Variants in NFX1 observed in about 807,000 individuals in gnomAD.
NFX1 encodes transcriptional repressor NF-X1.
NFX1 carries 69 observed loss-of-function variants against 137.2 expected under a neutral mutation model. That is an observed-to-expected ratio of 0.50 (90% CI 0.41 to 0.61). The LOEUF is 0.61. Among genes scored for constraint, NFX1 ranks in the 20% least tolerant of loss-of-function variants. The pLI is 0.00. For synonymous variants in NFX1, 495 were observed against 474.1 expected (o/e 1.04, Z -0.57); for missense variants, 1,167 against 1,391.0 (o/e 0.84, Z 2.56).
chr9:33,348,759 A>T (rs1006276308), intron 15 of NFX1: 1 of 984,954 alleles, frequency 1.0e-6, no homozygotes, highest in African/African-American at 1.7e-5. Flanking sequence ...AGAAGATTTA[A>T]TTCTGCTACT....
At position 33,357,280 on chromosome 9, in the gene NFX1, C is replaced by G. The variant is rs191791284; in HGVS notation, c.2873+2388C>G. On this transcript the variant is annotated intron_variant, in intron 19 of 23. Transcript: ENST00000379540. ...TGGTGCCACTGCACTCTAGCCTGGG[C>G]GACAGTGGGAGACTCCGCATCAAAA... Among the ~76,000 whole-genome samples, 34 of 151,850 alleles carry G rather than the reference C, an allele frequency of 2.2e-4. 1 individual carries two copies. The East Asian group carries it at 6.4e-3, about 28-fold the overall frequency.
At chr9:33,333,241 G>C (rs1312060018) in intron 11 of NFX1, among the ~76,000 whole-genome samples, 1 of 152,148 alleles carries the variant, frequency 6.6e-6, no homozygotes, top group Non-Finnish European at 1.5e-5. Context: ...CAAAATAAAA[G>C]GTCTTACTGT....
At chr9:33,348,047 G>A (rs1304534649) in intron 15 of NFX1, 1 of 152,582 alleles carries the variant, frequency 6.6e-6, no homozygotes, top group Non-Finnish European at 1.5e-5. Flanking sequence ...AGGCGGGTGA[G>A]GGATAAAAAA....
rs770879767 is a variant in NFX1 at position 33,369,952 on chromosome 9, A to G, written c.3337A>G (p.Ile1113Val). 1.2e-6 allele frequency: 2 copies of G among 1,613,544 alleles called. No homozygotes were observed. The highest frequency in any genetic ancestry group is 2.2e-5 in the East Asian group (1 of 44,870). ...NLQKITKEPIIDYFDVQD is the reference protein window; with the variant it reads ...NLQKITKEPIVDYFDVQD The stretch of plus-strand genomic sequence containing the variant: ...ACAGAAAATAACCAAGGAGCCAATA[A>G]TTGACTATTTTGACGTCCAGGACTA... Residue 1113 changes from isoleucine (I) to valine (V), a missense_variant, in exon 24 of 24, where the codon ATT becomes GTT. Around this residue, in one of 3 missense-constraint regions of NFX1, gnomAD observed 312 missense variants for 312.8 expected, o/e 1.00. Coordinates refer to ENST00000379540, the MANE Select transcript of NFX1 (RefSeq NM_002504.6).
At chr9:33,336,595 TGTTAG>T (rs1823014002) in intron 11 of NFX1, among the ~76,000 whole-genome samples, 1 of 152,078 alleles carries the variant, frequency 6.6e-6, no homozygotes. Flanking sequence ...GATATCTCAA[TGTTAG>T]GTTTTAAAAT....
intron 12 of NFX1, 62 bp downstream of exon 12, chr9:33,338,651 C>A: frequency 1.4e-6 from 2 of 1,422,442 alleles, no homozygotes; most frequent in Non-Finnish European, 1.9e-6. Context: ...TTCTGGAAGC[C>A]TGAGCCATGT....
chr9:33,290,604 TC>T lies in NFX1; in HGVS notation c.25+10del. The T allele has an allele frequency of 6.2e-7, 1 of 1,612,804 alleles. No homozygotes were observed. Among genetic ancestry groups the T allele is most frequent in the South Asian group, 1.1e-5 (1 of 90,998 alleles). ...GAGGCGCCTCCTGTCTCAGGTATTG[TC>T]CCGGCCCGAGCGGGACTGGGCCCCT... On this transcript the variant is annotated splice_region_variant and intron_variant, in intron 1 of 23. Transcript: ENST00000379540.
chr9:33,348,453 C>T (rs1823515067), intron 15 of NFX1: 1 of 151,838 alleles, frequency 6.6e-6, no homozygotes, highest in South Asian at 2.1e-4. Context: ...AGGAACTTAT[C>T]CATGTAACCA....
At chr9:33,338,200 C>A (rs1823083207) in intron 11 of NFX1, among the ~76,000 whole-genome samples, 2 of 151,852 alleles carry the variant, frequency 1.3e-5, no homozygotes, top group East Asian at 1.9e-4. Context: ...ACTAAAAATA[C>A]AAAAATTAGC....
intron 9 of NFX1, among the ~76,000 whole-genome samples, chr9:33,321,865 T>G (rs1232723725): frequency 6.8e-6 from 1 of 146,028 alleles, no homozygotes; most frequent in Non-Finnish European, 1.5e-5. Context: ...GCTGACAGAG[T>G]GAGACCCTGT....
In NFX1 at chr9:33,339,315, C is replaced by A. The variant is rs1406050102; in HGVS notation, c.2115+726C>A. Among the ~76,000 whole-genome samples, 6 of 152,160 alleles carry A rather than the reference C, an allele frequency of 3.9e-5. No individual in the cohort carries two copies. In the East Asian group the frequency reaches 1.2e-3, roughly 29 times the overall value. ...TGGTGGAAGGCAAGGAAGAGCAAGT[C>A]ACTTCTCACATGGATAGCAGCAGGC... On this transcript the variant is annotated intron_variant, in intron 12 of 23. Coordinates refer to ENST00000379540, the MANE Select transcript of NFX1 (RefSeq NM_002504.6).
At chr9:33,298,426 G>T (rs1821436567) in intron 2 of NFX1, among the ~76,000 whole-genome samples, 1 of 152,234 alleles carries the variant, frequency 6.6e-6, no homozygotes, top group Non-Finnish European at 1.5e-5. Context: ...TTCTGAGTAA[G>T]ATGAGAGGCT....
At chr9:33,318,633 G>A in intron 7 of NFX1, 98 bp from the exon 8 acceptor site, 1 of 1,133,180 alleles carries the variant, frequency 8.8e-7, no homozygotes, top group Non-Finnish European at 1.3e-6. Flanking sequence ...GAGCGACTGT[G>A]CCAGGCCCGC....
At chr9:33,338,025 G>A (rs1435117270) in intron 11 of NFX1, among the ~76,000 whole-genome samples, 2 of 151,348 alleles carry the variant, frequency 1.3e-5, no homozygotes, top group Non-Finnish European at 2.9e-5. Flanking sequence ...CTCCAGCCTG[G>A]GCAGCAGAGT....
chr9:33,364,767 T>C lies in NFX1; in HGVS notation c.3032T>C (p.Val1011Ala). ...EKEMETLVEA[V>A]NKGKNSKKSH... ...GAAATGGAAACCCTCGTGGAGGCCG[T>C]GAATAAGGTTGAAGTCGAAACATCC... The change falls in exon 21 of 24, where the codon GTG (valine) becomes GCG (alanine). Residue 1011 changes from valine to alanine, a missense_variant. Transcript: ENST00000379540. 6.2e-7 allele frequency: 1 copy of C among 1,612,758 alleles called. No homozygotes were observed. Among genetic ancestry groups the C allele is most frequent in the Non-Finnish European group, 8.5e-7 (1 of 1,179,750 alleles).
chr9:33,350,445 A>G (rs1564141574), intron 15 of NFX1, among the ~76,000 whole-genome samples: 1 of 152,182 alleles, frequency 6.6e-6, no homozygotes, highest in Non-Finnish European at 1.5e-5. Flanking sequence ...GAAAGGAGGG[A>G]AAAGATCATC....
rs1355842472 is a variant in NFX1 at position 33,354,138 on chromosome 9, T to C, written c.2782T>C (p.Ser928Pro). 9.9e-6 allele frequency: 16 copies of C among 1,613,610 alleles called. No homozygotes were observed. The highest frequency in any genetic ancestry group is 1.4e-5 in the Non-Finnish European group (16 of 1,179,796). ...GATAACAGACATGCAGCTTGGAGGTTCAGTGGAGATCAGCAAGTTAATTAC... is the reference window on the plus strand; with the variant it reads ...GATAACAGACATGCAGCTTGGAGGTCCAGTGGAGATCAGCAAGTTAATTAC... ...SKITDMQLGGSVEISKLITKK... is the reference protein window; with the variant it reads ...SKITDMQLGGPVEISKLITKK... The change falls in exon 18 of 24, where the codon TCA becomes CCA. Residue 928 changes from serine (S) to proline (P), a missense_variant. Ser to Pro is a moderately conservative substitution (Grantham distance 74). Coordinates refer to ENST00000379540, the MANE Select transcript of NFX1 (RefSeq NM_002504.6).
chr9:33,317,588 T>G (rs1342727399), intron 7 of NFX1, among the ~76,000 whole-genome samples: 1 of 151,218 alleles, frequency 6.6e-6, no homozygotes, highest in Non-Finnish European at 1.5e-5. Flanking sequence ...CCCAGCACTT[T>G]GGGAGGTCGA....
chr9:33,297,561 C>T (rs1045645250), intron 2 of NFX1, among the ~76,000 whole-genome samples: 5 of 152,174 alleles, frequency 3.3e-5, no homozygotes, highest in Admixed American at 1.3e-4. Context: ...TGCTCAGTGT[C>T]TCCAAATTTG....
Sources: gnomAD v4.1 joint callset for allele counts (sites outside exome capture counted in the v4.1 genomes callset) on GRCh38, gnomAD v4.1.1 for gene constraint, gnomAD v4.1.1 regional missense constraint, MANE v1.5 for transcripts, NCBI Gene and HGNC (gene_info 2026-07-23, HGNC 2026-07-21) for gene names.